Variants in DYM observed in about 807,000 individuals in gnomAD.
The protein encoded by DYM is dyggve-Melchior-Clausen syndrome protein.
A neutral mutation model predicts 93.1 loss-of-function variants in DYM; 78 were observed. The ratio of observed to expected loss-of-function variants is 0.84; its 90% CI spans 0.70 to 1.01. The LOEUF (loss-of-function observed/expected upper bound fraction) is 1.01, where lower values mean the gene tolerates loss of function less well. Ranked by LOEUF, DYM falls within the 50% of genes least tolerant of loss-of-function variation. The probability of loss-of-function intolerance (pLI) is 0.00; values close to 1 mark genes in which losing one functional copy is unlikely to be tolerated. For synonymous variants in DYM, 321 were observed against 319.7 expected, an observed-to-expected ratio of 1.00 and a Z score of -0.04; for missense variants, 789 against 845.0, an observed-to-expected ratio of 0.93 and a Z score of 0.82.
At chr18:49,067,643 A>G (rs892677493) in intron 17 of DYM, among the ~76,000 whole-genome samples, 1 of 152,154 alleles carries the variant, frequency 6.6e-6, no homozygotes, top group East Asian at 1.9e-4. Flanking sequence ...GATCAACGTT[A>G]TCCTGAAACA....
chr18:49,393,331 G>T (rs1450293953), intron 2 of DYM, among the ~76,000 whole-genome samples: 1 of 152,022 alleles, frequency 6.6e-6, no homozygotes, highest in Non-Finnish European at 1.5e-5. Context: ...GTGAAAGCAG[G>T]GTCTTGAAGA....
chr18:49,235,706 A>G (rs2093839065), intron 13 of DYM, among the ~76,000 whole-genome samples: 1 of 152,098 alleles, frequency 6.6e-6, no homozygotes, highest in Admixed American at 6.6e-5. Context: ...ACACCAGCAA[A>G]ACAGGTGCAA....
At chr18:49,231,095 G>A (rs768726493) in intron 13 of DYM, among the ~76,000 whole-genome samples, 14 of 152,162 alleles carry the variant, frequency 9.2e-5, no homozygotes, top group Non-Finnish European at 1.9e-4. Context: ...ACTGCCTTTT[G>A]AGAAGTTCAA....
chr18:49,193,754 C>T (rs1020555045), intron 14 of DYM, among the ~76,000 whole-genome samples: 2 of 152,230 alleles, frequency 1.3e-5, no homozygotes, highest in East Asian at 1.9e-4. Flanking sequence ...ATTCTACTTT[C>T]GGCTTGTTGT....
intron 6 of DYM, among the ~76,000 whole-genome samples, chr18:49,348,463 G>A (rs2064804070): frequency 6.6e-6 from 1 of 152,134 alleles, no homozygotes; most frequent in Non-Finnish European, 1.5e-5. Flanking sequence ...AACAGTGCTT[G>A]GCATTTGGGA....
At chr18:49,248,458 G>T (rs143572433) in intron 13 of DYM, among the ~76,000 whole-genome samples, 213 of 152,186 alleles carry the variant, frequency 1.4e-3, no homozygotes, top group Non-Finnish European at 2.8e-3. Context: ...AAATGAAGTA[G>T]GTATGATATC....
At chr18:49,452,520 G>T (rs1161774291) in intron 1 of DYM, among the ~76,000 whole-genome samples, 1 of 152,144 alleles carries the variant, frequency 6.6e-6, no homozygotes, top group Admixed American at 6.5e-5. Context: ...GATTCTCCAA[G>T]TCCCCACCAG....
intron 15 of DYM, among the ~76,000 whole-genome samples, chr18:49,139,273 T>G (rs1468896714): frequency 6.6e-6 from 1 of 152,152 alleles, no homozygotes; most frequent in African/African-American, 2.4e-5. Flanking sequence ...CCCAAATCCA[T>G]GACCTAGAGG....
chr18:49,386,880 G>A (rs896948845), intron 3 of DYM, among the ~76,000 whole-genome samples: 5 of 151,958 alleles, frequency 3.3e-5, no homozygotes, highest in South Asian at 4.2e-4. Context: ...CCAACAATAC[G>A]TGCTCACTTC....
At position 49,096,250 on chromosome 18, in the gene DYM, T is replaced by C. The variant is rs749129347; in HGVS notation, c.2025+1152A>G. Among the ~76,000 whole-genome samples the C allele has an allele frequency of 5.6e-4, 85 of 152,358 alleles. 1 individual carries two copies. The highest frequency in any genetic ancestry group is 5.9e-4 in the Admixed American group (9 of 15,298). ...GCTGATAAACAGAACATTTGCCATC[T>C]TTGCACAGTACCGTGTGAATCTCCC... On this transcript the variant is annotated intron_variant, in intron 17 of 17. Transcript: ENST00000675505.
At chr18:49,300,865 C>G (rs760252164) in intron 8 of DYM, among the ~76,000 whole-genome samples, 6 of 152,104 alleles carry the variant, frequency 3.9e-5, no homozygotes, top group Non-Finnish European at 7.4e-5. Flanking sequence ...CCTTGAGTAA[C>G]TACTACTCCC....
At chr18:49,269,655 C>T (rs922633619) in intron 11 of DYM, among the ~76,000 whole-genome samples, 1 of 152,058 alleles carries the variant, frequency 6.6e-6, no homozygotes, top group Admixed American at 6.5e-5. Context: ...AAAGAAGGTC[C>T]CAGATGATTA....
intron 17 of DYM, among the ~76,000 whole-genome samples, chr18:49,045,841 C>G (rs75695164): frequency 0.025 from 3,820 of 152,124 alleles, 156 homozygotes; most frequent in African/African-American, 0.086. Context: ...AGAGGCCAGA[C>G]TGGGGAGCTG....
chr18:49,097,840 C>T (rs900011769), intron 16 of DYM, among the ~76,000 whole-genome samples: 1 of 150,870 alleles, frequency 6.6e-6, no homozygotes, highest in African/African-American at 2.4e-5. Flanking sequence ...GAAAGCTAAA[C>T]CCTAAAGCCT....
intron 6 of DYM, among the ~76,000 whole-genome samples, chr18:49,348,563 G>C (rs2064814404): frequency 6.6e-6 from 1 of 151,786 alleles, no homozygotes; most frequent in South Asian, 2.1e-4. Flanking sequence ...ATAAACTAAA[G>C]GGATGGATCA....
chr18:49,341,183 A>C (rs892060021), intron 6 of DYM, among the ~76,000 whole-genome samples: 13 of 152,174 alleles, frequency 8.5e-5, no homozygotes, highest in Non-Finnish European at 1.9e-4. Context: ...TTCACAGATA[A>C]ATTATACTAT....
chr18:49,209,419 AATT>A (rs1261102291), intron 14 of DYM, 129 bp downstream of exon 14: 35 of 606,672 alleles, frequency 5.8e-5, no homozygotes, highest in Middle Eastern at 1.1e-3. Flanking sequence ...ATTTTAAAAA[AATT>A]ATTTAGTACC....
At chr18:49,357,471 G>C (rs1234536391) in intron 6 of DYM, among the ~76,000 whole-genome samples, 1 of 152,154 alleles carries the variant, frequency 6.6e-6, no homozygotes, top group Non-Finnish European at 1.5e-5. Flanking sequence ...TTATTTCTCA[G>C]TGTTTCAGCT....
At chr18:49,177,632 C>T (rs2089526517) in intron 14 of DYM, among the ~76,000 whole-genome samples, 1 of 151,978 alleles carries the variant, frequency 6.6e-6, no homozygotes, top group Admixed American at 6.6e-5. Context: ...TCTGTAAAAA[C>T]TTTATCCATT....
Sources: gnomAD v4.1 joint callset for allele counts (sites outside exome capture counted in the v4.1 genomes callset) on GRCh38, gnomAD v4.1.1 for gene constraint, MANE v1.5 for transcripts, NCBI Gene and HGNC (gene_info 2026-07-23, HGNC 2026-07-21) for gene names.